The following KSR1 variants were observed in gnomAD, a reference collection of about 807,000 sequenced individuals.
KSR1 encodes the protein kinase suppressor of ras 1.
A neutral mutation model predicts 92.9 loss-of-function variants in KSR1; 35 were observed. That is an observed-to-expected ratio of 0.38 (90% CI 0.29 to 0.50). The LOEUF (loss-of-function observed/expected upper bound fraction) is 0.50, where lower values mean the gene tolerates loss of function less well. Ranked by LOEUF, KSR1 falls within the 20% of genes least tolerant of loss-of-function variation. The pLI, the probability that KSR1 is intolerant of heterozygous loss-of-function variation, is 0.94. For missense variants in KSR1, 972 were observed against 1,158.5 expected, an observed-to-expected ratio of 0.84 and a Z score of 2.34; for synonymous variants, 467 against 472.6, an observed-to-expected ratio of 0.99 and a Z score of 0.15.
chr17:27,538,440 C>G (rs939866455), intron 1 of KSR1, among the ~76,000 whole-genome samples: 5 of 152,236 alleles, frequency 3.3e-5, no homozygotes, highest in Non-Finnish European at 5.9e-5. Flanking sequence ...GCTTTCCCAG[C>G]AGGTCCCCTA....
intron 3 of KSR1, chr17:27,579,494 G>A (rs1030171100): frequency 3.9e-5 from 6 of 152,164 alleles, no homozygotes; most frequent in African/African-American, 1.2e-4. Flanking sequence ...TCAGAGCCTG[G>A]CATGTATTAG....
chr17:27,606,117 A>C (rs1193723165), intron 14 of KSR1, among the ~76,000 whole-genome samples: 1 of 152,050 alleles, frequency 6.6e-6, no homozygotes, highest in East Asian at 1.9e-4. Context: ...CTGTCTCTAC[A>C]AAAAAATTAG....
intron 3 of KSR1, chr17:27,578,305 G>C (rs542423207): frequency 6.4e-6 from 1 of 155,240 alleles, no homozygotes; most frequent in Non-Finnish European, 1.4e-5. Context: ...TCTTATCTCC[G>C]TCTGCCTGAG....
intron 2 of KSR1, among the ~76,000 whole-genome samples, chr17:27,562,325 A>G (rs2071865910): frequency 6.6e-6 from 1 of 152,214 alleles, no homozygotes; most frequent in South Asian, 2.1e-4. Flanking sequence ...ACATTATCCA[A>G]AGAATTTTGG....
In KSR1 at chr17:27,609,329, G is replaced by A. The variant is rs2073851240; in HGVS notation, c.2225G>A (p.Arg742Gln). 4 of 1,613,926 alleles carry A rather than the reference G, an allele frequency of 2.5e-6. No homozygotes were observed. The highest frequency in any genetic ancestry group is 2.2e-5 in the East Asian group (1 of 44,872). Reference sequence around the variant, plus strand: ...ATCTCAGGCGTGGTCCGAGAGGGACGGTGAGTTGGTCTTGAGTGTCTGGGT... The same window carrying A: ...ATCTCAGGCGTGGTCCGAGAGGGACAGTGAGTTGGTCTTGAGTGTCTGGGT... ...FGISGVVREG[R>Q]RENQLKLSHD... The change falls in exon 16 of 21, where the codon CGG becomes CAG. Residue 742 changes from arginine to glutamine, a missense_variant and splice_region_variant. Physicochemically the swap from Arg to Gln is conservative, Grantham distance 43 (BLOSUM62 1). This residue lies in a region of KSR1 where 260 missense variants were observed against 375.2 expected (regional missense o/e 0.69). Transcript: ENST00000644974.
chr17:27,532,864 A>G (rs1385167155), intron 1 of KSR1, among the ~76,000 whole-genome samples: 1 of 152,208 alleles, frequency 6.6e-6, no homozygotes, highest in Non-Finnish European at 1.5e-5. Flanking sequence ...GGGAAAGGTC[A>G]GCCTTCAAAC....
intron 11 of KSR1, chr17:27,601,780 C>A: frequency 1.3e-6 from 1 of 766,152 alleles, no homozygotes; most frequent in Non-Finnish European, 2.2e-6. Flanking sequence ...TCCTCCCTTG[C>A]ACAATGATGG....
intron 1 of KSR1, among the ~76,000 whole-genome samples, chr17:27,504,647 A>C (rs2069310696): frequency 6.6e-6 from 1 of 152,134 alleles, no homozygotes; most frequent in African/African-American, 2.4e-5. Flanking sequence ...GGACTCCATG[A>C]GGGAGGAGCA....
At position 27,610,056 on chromosome 17, in the gene KSR1, C is replaced by G; in HGVS notation, c.2226-11C>G. ...AGGCCTGTGTCCTTGTCCCGGCTTC[C>G]TGGTCTCCAGGCGTGAGAACCAGCT... On this transcript the variant is annotated splice_polypyrimidine_tract_variant and intron_variant, in intron 16 of 20. Transcript: ENST00000644974. 1 of 1,613,792 alleles carries G rather than the reference C, an allele frequency of 6.2e-7. No homozygotes were observed. The highest frequency in any genetic ancestry group is 8.5e-7 in the Non-Finnish European group (1 of 1,179,738).
chr17:27,487,940 C>T (rs2068716579), intron 1 of KSR1, among the ~76,000 whole-genome samples: 1 of 152,166 alleles, frequency 6.6e-6, no homozygotes, highest in African/African-American at 2.4e-5. Context: ...GGGATCCACC[C>T]CCATGACCCA....
chr17:27,499,777 G>T (rs1039675314), intron 1 of KSR1, among the ~76,000 whole-genome samples: 4 of 152,200 alleles, frequency 2.6e-5, no homozygotes, highest in Admixed American at 2.0e-4. Flanking sequence ...GAGAGACGGG[G>T]ACTGAATGAA....
intron 18 of KSR1, 86 bp from the exon 19 acceptor site, chr17:27,617,209 A>G (rs4267373): frequency 1 from 1,414,524 of 1,414,548 alleles, 707,250 homozygotes; most frequent in Middle Eastern, 1. Flanking sequence ...TGAGAACATC[A>G]AAGGGACCCT....
chr17:27,582,748 G>A lies in KSR1; in HGVS notation c.623G>A (p.Trp208Ter), dbSNP rs1278228253. 6.2e-7 allele frequency: 1 copy of A among 1,613,906 alleles called. No homozygotes were observed. Among genetic ancestry groups the A allele is most frequent in the Admixed American group, 1.7e-5 (1 of 60,012 alleles). The change falls in exon 4 of 21, where the codon TGG becomes TAG. Residue 208 changes from tryptophan (W) to a stop codon, truncating the protein, a stop_gained. Transcript: ENST00000644974. LOFTEE classifies it high-confidence loss of function. The part of the protein sequence containing the change: ...TDTLSAASLP[W>*]PPGSSQLGRA... ...ACCCTCTCAGCAGCCAGCCTGCCCTGGCCCCCAGGGAGCTCCCAGCTGGGC... is the reference window on the plus strand; with the variant it reads ...ACCCTCTCAGCAGCCAGCCTGCCCTAGCCCCCAGGGAGCTCCCAGCTGGGC...
At chr17:27,473,510 G>A (rs531239752) in intron 1 of KSR1, among the ~76,000 whole-genome samples, 3 of 152,188 alleles carry the variant, frequency 2.0e-5, no homozygotes, top group Non-Finnish European at 4.4e-5. Context: ...TGGGAGAGGG[G>A]CATCCTTGTG....
In KSR1 at chr17:27,459,145, G is replaced by T. The variant is rs1482214637; in HGVS notation, c.231+2271G>T. ...TTCATACTGGGCCTGGGTTCTGTCTGTGTGACCTTAGGCAAGTCCCATGAC... is the reference window on the plus strand; with the variant it reads ...TTCATACTGGGCCTGGGTTCTGTCTTTGTGACCTTAGGCAAGTCCCATGAC... On this transcript the variant is annotated intron_variant, in intron 1 of 20. Transcript: ENST00000644974. The surrounding 1 kb of genome is among the most constrained non-coding windows in gnomAD (Gnocchi z 4.6). 6.6e-6 allele frequency among the ~76,000 whole-genome samples: 1 copy of T among 152,210 alleles called. No individual in the cohort carries two copies. Among genetic ancestry groups the T allele is most frequent in the Middle Eastern group, 3.2e-3 (1 of 316 alleles).
chr17:27,583,826 G>T (rs1019228313), intron 4 of KSR1, among the ~76,000 whole-genome samples: 1 of 152,216 alleles, frequency 6.6e-6, no homozygotes, highest in Non-Finnish European at 1.5e-5. Flanking sequence ...GAACAAGTGA[G>T]ACAGTCACAT....
At chr17:27,502,402 C>T (rs905723848) in intron 1 of KSR1, among the ~76,000 whole-genome samples, 3 of 152,196 alleles carry the variant, frequency 2.0e-5, no homozygotes, top group African/African-American at 4.8e-5. Flanking sequence ...TCCCTGATTC[C>T]GAGACCCTGT....
chr17:27,601,648 CAG>C (rs2073561623), intron 11 of KSR1, among the ~76,000 whole-genome samples: 2 of 152,342 alleles, frequency 1.3e-5, no homozygotes, highest in Middle Eastern at 3.4e-3. Flanking sequence ...CCTCTTGGCA[CAG>C]AGACTGCAGG....
At position 27,577,454 on chromosome 17, in the gene KSR1, T is replaced by A; in HGVS notation, c.373-38T>A. 1 of 1,317,898 alleles carries A rather than the reference T, an allele frequency of 7.6e-7. No homozygotes were observed. Among genetic ancestry groups the A allele is most frequent in the African/African-American group, 1.5e-5 (1 of 68,608 alleles). 81.6% of individuals were successfully genotyped at this position (1,317,898 alleles called of 1,614,324 possible). A position where few individuals can be genotyped will look rare whatever the true frequency, so the allele number is the denominator to read the frequency against. ...CTGAGGGGCTCCCGGCCCAGCCGAC[T>A]GCTCACCGCCTCTCTGCCTGTCCCT... is the stretch of plus-strand genomic sequence containing the variant. On this transcript the variant is annotated intron_variant, in intron 2 of 20. Transcript: ENST00000644974. The surrounding 1 kb of genome is among the most constrained non-coding windows in gnomAD (Gnocchi z 4.5).
Sources: allele counts gnomAD v4.1 joint callset (sites outside exome capture counted in the v4.1 genomes callset), GRCh38; gene constraint gnomAD v4.1.1; regional missense constraint gnomAD v4.1.1; non-coding constraint Gnocchi (gnomAD v3.1); transcripts MANE v1.5; gene names NCBI Gene and HGNC (gene_info 2026-07-23, HGNC 2026-07-21).